The following NPFFR1 variants were observed in gnomAD, a reference collection of about 807,000 sequenced individuals.
NPFFR1 encodes G-protein coupled receptor 147.
In NPFFR1, 17 loss-of-function variants were observed where a neutral mutation model predicts 12.7. That is an observed-to-expected ratio of 1.34 (90% confidence interval 0.92 to 2.01). NPFFR1 has a LOEUF of 2.01. NPFFR1 is among the 30% of genes most tolerant of loss of function. The probability of loss-of-function intolerance (pLI) is 0.00; values close to 1 mark genes in which losing one functional copy is unlikely to be tolerated. For synonymous variants in NPFFR1, 296 were observed against 264.5 expected, an observed-to-expected ratio of 1.12 and a Z score of -1.16; for missense variants, 604 against 606.5, an observed-to-expected ratio of 1.00 and a Z score of 0.04.
chr10:70,262,933 G>A lies in NPFFR1; in HGVS notation c.323-2194C>T, dbSNP rs1260315461. On this transcript the variant is annotated intron_variant, in intron 2 of 3. Coordinates refer to ENST00000277942, the MANE Select transcript of NPFFR1 (RefSeq NM_022146.5). ...AGCACTTTGGGAGGAAGAAGCAGGAGGATCGCTTGAGCCCAGGAATTCAAG... is the reference window on the plus strand; with the variant it reads ...AGCACTTTGGGAGGAAGAAGCAGGAAGATCGCTTGAGCCCAGGAATTCAAG... 2.0e-5 allele frequency among the ~76,000 whole-genome samples: 3 copies of A among 152,250 alleles called. 1 individual carries two copies. Among genetic ancestry groups the A allele is most frequent in the African/African-American group, 7.2e-5 (3 of 41,536 alleles).
intron 1 of NPFFR1, among the ~76,000 whole-genome samples, chr10:70,270,050 T>C (rs779130632): frequency 1.3e-5 from 2 of 152,198 alleles, no homozygotes; most frequent in Non-Finnish European, 2.9e-5. Context: ...GTTTGTGTGT[T>C]TCTAGGTTGA....
intron 1 of NPFFR1, among the ~76,000 whole-genome samples, chr10:70,275,271 A>G (rs1177774727): frequency 6.6e-6 from 1 of 152,222 alleles, no homozygotes; most frequent in Non-Finnish European, 1.5e-5. Context: ...TTGTATTCAG[A>G]AAAGGTTCTG....
chr10:70,272,838 G>A (rs1840763980), intron 1 of NPFFR1, among the ~76,000 whole-genome samples: 2 of 152,358 alleles, frequency 1.3e-5, no homozygotes, highest in South Asian at 4.1e-4. Context: ...GGAACAGAGT[G>A]AGGTCTCAGG....
chr10:70,253,567 A>G lies in NPFFR1; in HGVS notation c.*1390T>C, dbSNP rs1161315571. 1 of 152,230 alleles carries G rather than the reference A, an allele frequency of 6.6e-6. No individual in the cohort carries two copies. 9.4% of individuals were successfully genotyped at this position (152,230 alleles called of 1,614,324 possible). A position where few individuals can be genotyped will look rare whatever the true frequency, so the allele number is the denominator to read the frequency against. ...ACATGCTTGGAGAATGTATTGTACA[A>G]CTGCTTAGGAATTTTCTTCTGCCCC... On this transcript the variant is annotated 3_prime_UTR_variant, in exon 4 of 4. Transcript: ENST00000277942.
Position 70,266,274 on chromosome 10 carries a change from A to G in NPFFR1, c.125T>C (p.Val42Ala). Residue 42 changes from valine (V) to alanine (A), a missense_variant, in exon 2 of 4, where the codon GTG (valine) becomes GCG (alanine). Val to Ala is a moderately conservative substitution (Grantham distance 64, BLOSUM62 0). Transcript: ENST00000277942. ...ATAGGCCACAATGAACATGGCCGCCACAGGGGAGGTGTGCTGATAGTAGGA... is the reference window on the plus strand; with the variant it reads ...ATAGGCCACAATGAACATGGCCGCCGCAGGGGAGGTGTGCTGATAGTAGGA... ...FSSYYQHTSP[V>A]AAMFIVAYAL... is the part of the protein sequence containing the mutation. 6.2e-7 allele frequency: 1 copy of G among 1,613,950 alleles called. No individual in the cohort carries two copies. Among genetic ancestry groups the G allele is most frequent in the Non-Finnish European group, 8.5e-7 (1 of 1,179,862 alleles).
chr10:70,276,584 CTTTTTTT>C (rs57759018), intron 1 of NPFFR1, among the ~76,000 whole-genome samples: 2 of 117,338 alleles, frequency 1.7e-5, no homozygotes, highest in Non-Finnish European at 1.7e-5. Context: ...ATGTTTGTAT[CTTTTTTT>C]TTTTTTTTTT....
chr10:70,255,283 T>G lies in NPFFR1; in HGVS notation c.967A>C (p.Ser323Arg). The change falls in exon 4 of 4, where the codon AGC (serine) becomes CGC (arginine). Residue 323 changes from serine (S) to arginine (R), a missense_variant. Coordinates refer to ENST00000277942, the MANE Select transcript of NPFFR1 (RefSeq NM_022146.5). The surrounding 1 kb of genome is among the most constrained non-coding windows in gnomAD (Gnocchi z 4.2). Reference protein sequence around the residue: ...FAHWLAFFNSSANPIIYGYFN... With the variant: ...FAHWLAFFNSRANPIIYGYFN... ...TAGCCGTAGATGATGGGGTTGGCGC[T>G]GCTGTTGAAGAAGGCCAGCCAGTGC... The G allele has an allele frequency of 6.3e-7, 1 of 1,580,388 alleles. No individual in the cohort carries two copies. The highest frequency in any genetic ancestry group is 1.1e-5 in the South Asian group (1 of 87,096).
At chr10:70,262,207 C>A (rs772002626) in intron 2 of NPFFR1, among the ~76,000 whole-genome samples, 1 of 152,078 alleles carries the variant, frequency 6.6e-6, no homozygotes, top group Non-Finnish European at 1.5e-5. Context: ...GAATCACTTA[C>A]TCAAGATAAA....
chr10:70,259,200 G>T (rs1840608306), intron 3 of NPFFR1, among the ~76,000 whole-genome samples: 1 of 151,838 alleles, frequency 6.6e-6, no homozygotes, highest in Admixed American at 6.6e-5. Flanking sequence ...GCACGAGAAT[G>T]GCTTGAACCC....
At position 70,251,003 on chromosome 10, in the gene NPFFR1, T is replaced by G. The variant is rs1840505450; in HGVS notation, c.*3954A>C. ...TTTGCTTATTGAAATCTTGTAAAAT[T>G]TCCACAATGATTATGTAGAGCTTTT... On this transcript the variant is annotated 3_prime_UTR_variant, in exon 4 of 4. Transcript: ENST00000277942. 1 of 152,174 alleles carries G rather than the reference T, an allele frequency of 6.6e-6. No individual in the cohort carries two copies. The highest frequency in any genetic ancestry group is 2.4e-5 in the African/African-American group (1 of 41,408). The allele number at this position is 152,174 out of a possible 1,614,324, so 9.4% of individuals were successfully genotyped here. A position where few individuals can be genotyped will look rare whatever the true frequency, so the allele number is the denominator to read the frequency against.
intron 1 of NPFFR1, among the ~76,000 whole-genome samples, chr10:70,276,277 C>G (rs1482828960): frequency 6.6e-6 from 1 of 152,168 alleles, no homozygotes; most frequent in African/African-American, 2.4e-5. Context: ...GGACACCTAA[C>G]CCCTTTGAGA....
At position 70,255,515 on chromosome 10, in the gene NPFFR1, C is replaced by T; in HGVS notation, c.735G>A (p.Gln245=). 6.5e-7 allele frequency: 1 copy of T among 1,548,334 alleles called. No homozygotes were observed. Among genetic ancestry groups the T allele is most frequent in the Non-Finnish European group, 8.7e-7 (1 of 1,145,624 alleles). ...MYARIARKLC[Q]APGPAPGGEE... is the part of the protein sequence containing the mutation. The stretch of plus-strand genomic sequence containing the variant: ...CGCCCCCGGGGGCCGGGCCCGGGGC[C>T]TGGCAGAGCTTGCGCGCGATGCGGG... The change falls in exon 4 of 4, where the codon CAG becomes CAA. Residue 245 remains glutamine (Q), a synonymous_variant. Transcript: ENST00000277942. This position sits in a 1 kb window ranked among gnomAD's most constrained non-coding sequence, Gnocchi z 4.2.
intron 1 of NPFFR1, among the ~76,000 whole-genome samples, chr10:70,269,774 C>G (rs1343045521): frequency 6.6e-6 from 1 of 152,074 alleles, no homozygotes; most frequent in Non-Finnish European, 1.5e-5. Context: ...GCCTCCCAAC[C>G]CTCATTGCAT....
At position 70,255,439 on chromosome 10, in the gene NPFFR1, T is replaced by A. The variant is rs913676446; in HGVS notation, c.811A>T (p.Met271Leu). 8 of 1,547,422 alleles carry A rather than the reference T, an allele frequency of 5.2e-6. No individual in the cohort carries two copies. In the African/African-American group the frequency reaches 8.2e-5, roughly 16 times the overall value. The change falls in exon 4 of 4, where the codon ATG (methionine) becomes TTG (leucine). Residue 271 changes from methionine to leucine, a missense_variant. By Grantham distance (15) the Met-to-Leu change is conservative. Transcript: ENST00000277942. The surrounding 1 kb of genome is among the most constrained non-coding windows in gnomAD (Gnocchi z 4.2). ...ASRRRARVVH[M>L]LVMVALFFTL... ...AAGAACAGCGCCACCATGACCAGCATGTGCACCACGCGCGCTCTGCGCCGC... is the reference window on the plus strand; with the variant it reads ...AAGAACAGCGCCACCATGACCAGCAAGTGCACCACGCGCGCTCTGCGCCGC...
At chr10:70,282,066 C>A (rs573792383) in intron 1 of NPFFR1, among the ~76,000 whole-genome samples, 63 of 152,290 alleles carry the variant, frequency 4.1e-4, no homozygotes, top group African/African-American at 1.4e-3. Flanking sequence ...TCTGGCACTT[C>A]CTTCATTCTC....
At chr10:70,266,039 G>A in intron 2 of NPFFR1, 38 bp downstream of exon 2, 1 of 1,565,960 alleles carries the variant, frequency 6.4e-7, no homozygotes, top group Non-Finnish European at 8.8e-7. Flanking sequence ...TGAAGTGGGG[G>A]GTAGGGGACA....
intron 3 of NPFFR1, among the ~76,000 whole-genome samples, chr10:70,257,861 T>C (rs1483110338): frequency 1.3e-5 from 2 of 152,208 alleles, no homozygotes. Context: ...TCCACTGAGA[T>C]GTTTGGGTGG....
chr10:70,264,366 CAAAAAAAAAAAAA>C (rs56178146), intron 2 of NPFFR1, among the ~76,000 whole-genome samples: 3 of 74,582 alleles, frequency 4.0e-5, no homozygotes, highest in East Asian at 7.9e-4. Flanking sequence ...AGTGAGACTC[CAAAAAAAAAAAAA>C]AAAAAAAAAA....
rs368051663 is a variant in NPFFR1, at chr10:70,266,247, G to A, written c.152C>T (p.Ala51Val). 2.6e-5 allele frequency: 42 copies of A among 1,613,836 alleles called. No individual in the cohort carries two copies. In the African/African-American group the frequency reaches 2.9e-4, roughly 11 times the overall value. Residue 51 changes from alanine (A) to valine (V), a missense_variant, in exon 2 of 4, where the codon GCG becomes GTG. Physicochemically the swap from Ala to Val is moderately conservative, Grantham distance 64. Coordinates refer to ENST00000277942, the MANE Select transcript of NPFFR1 (RefSeq NM_022146.5). ...CACCATGCAGAGCAGGAAGATGAGCGCATAGGCCACAATGAACATGGCCGC... is the reference window on the plus strand; with the variant it reads ...CACCATGCAGAGCAGGAAGATGAGCACATAGGCCACAATGAACATGGCCGC... Reference protein sequence around the residue: ...PVAAMFIVAYALIFLLCMVGN... With the variant: ...PVAAMFIVAYVLIFLLCMVGN...
Sources: allele counts gnomAD v4.1 joint callset (sites outside exome capture counted in the v4.1 genomes callset), GRCh38; gene constraint gnomAD v4.1.1; non-coding constraint Gnocchi (gnomAD v3.1); transcripts MANE v1.5; gene names NCBI Gene and HGNC (gene_info 2026-07-23, HGNC 2026-07-21).